The following RPL31 variants were observed in gnomAD, a reference collection of about 807,000 sequenced individuals.
RPL31 encodes the protein ribosomal protein L31.
For missense variants in RPL31, 95 were observed against 164.0 expected (o/e 0.58, Z 2.30); for synonymous variants, 51 against 55.0 (o/e 0.93, Z 0.32).
chr2:101,018,240 CCTT>C (rs1459678187), intron 4 of RPL31: 13 of 239,574 alleles, frequency 5.4e-5, no homozygotes, highest in Non-Finnish European at 1.0e-4. Context: ...TTTGTGACCT[CCTT>C]TTTTCCGAAG....
chr2:101,007,542 A>G (rs1480556218), downstream of RPL31: 3 of 412,274 alleles, frequency 7.3e-6, no homozygotes, highest in Middle Eastern at 6.6e-4. Context: ...CAAAATCAAC[A>G]CTAGCATCAC....
At chr2:101,011,510 G>A (rs776659626), downstream of RPL31, 12 of 1,613,804 alleles carry the variant, frequency 7.4e-6, no homozygotes, top group Admixed American at 1.7e-5. Context: ...CCTCAACGGC[G>A]ACTGGCTGTC....
At chr2:101,004,608 G>A (rs1177211178) in intron 3 of RPL31, 8 of 360,962 alleles carry the variant, frequency 2.2e-5, no homozygotes, top group Non-Finnish European at 3.5e-5. Context: ...AGTGGAGGAG[G>A]GAGGGGTGAG....
chr2:101,010,044 T>C (rs186551931), downstream of RPL31, among the ~76,000 whole-genome samples: 143 of 151,982 alleles, frequency 9.4e-4, 2 homozygotes, highest in East Asian at 0.025. Flanking sequence ...GCCAGGATGG[T>C]CTCAATCTTC....
At chr2:101,015,571 A>AT (rs1409491070) in intron 4 of RPL31, among the ~76,000 whole-genome samples, 1 of 152,174 alleles carries the variant, frequency 6.6e-6, no homozygotes, top group Non-Finnish European at 1.5e-5. Context: ...TTCTATAAAC[A>AT]TTTTTCTATC....
rs951250073 is a variant in RPL31 at position 101,002,471 on chromosome 2, T to C, written c.-1+156T>C. 15 of 577,782 alleles carry C rather than the reference T, an allele frequency of 2.6e-5. No homozygotes were observed. The Admixed American group carries it at 3.7e-4, about 14-fold the overall frequency. The allele number at this position is 577,782 out of a possible 1,614,324, so 35.8% of individuals were successfully genotyped here. A position where few individuals can be genotyped will look rare whatever the true frequency, so the allele number is the denominator to read the frequency against. ...CCTGCTTTTAAAGGCTCCCAGAGCCTGAGGAAGAAAGTGACCAGGCTTAGG... is the reference window on the plus strand; with the variant it reads ...CCTGCTTTTAAAGGCTCCCAGAGCCCGAGGAAGAAAGTGACCAGGCTTAGG... On this transcript the variant is annotated intron_variant, in intron 1 of 4. Transcript: ENST00000264258.
downstream of RPL31, chr2:101,011,370 A>C (rs1679196703): frequency 2.2e-6 from 3 of 1,353,594 alleles, no homozygotes; most frequent in Admixed American, 5.2e-5. Context: ...CTGCTACAAG[A>C]AGAGGGATGA....
downstream of RPL31, among the ~76,000 whole-genome samples, chr2:101,009,800 T>C (rs189264446): frequency 2.0e-5 from 3 of 151,220 alleles, no homozygotes; most frequent in Admixed American, 2.0e-4. Context: ...CCAAAATGAC[T>C]TAAGTCCTAT....
In RPL31 at chr2:101,007,235, A is replaced by T. The variant is rs1678786818; in HGVS notation, c.*854A>T. 1 of 152,406 alleles carries T rather than the reference A, an allele frequency of 6.6e-6. No homozygotes were observed. The highest frequency in any genetic ancestry group is 6.5e-5 in the Admixed American group (1 of 15,304). The allele number at this position is 152,406 out of a possible 1,614,324, so 9.4% of individuals were successfully genotyped here. A position where few individuals can be genotyped will look rare whatever the true frequency, so the allele number is the denominator to read the frequency against. ...TAAAAGAAAAGGACCAAGTAAATACAAAAAGTTTCTTATTAAAAAACTTGG... is the reference window on the plus strand; with the variant it reads ...TAAAAGAAAAGGACCAAGTAAATACTAAAAGTTTCTTATTAAAAAACTTGG... On this transcript the variant is annotated 3_prime_UTR_variant, in exon 5 of 5. Transcript: ENST00000264258.
chr2:101,008,750 T>G (rs902286724), downstream of RPL31, among the ~76,000 whole-genome samples: 5 of 151,686 alleles, frequency 3.3e-5, no homozygotes, highest in African/African-American at 1.2e-4. Flanking sequence ...AGGCAAAGGT[T>G]GTGGTAGTCA....
chr2:101,002,892 A>G lies in RPL31; in HGVS notation c.107+84A>G, dbSNP rs549265064. The G allele has an allele frequency of 9.7e-5, 95 of 980,542 alleles. 1 individual carries two copies. Among genetic ancestry groups the G allele is most frequent in the South Asian group, 9.0e-4 (68 of 75,212 alleles). The allele number at this position is 980,542 out of a possible 1,614,324, so 60.7% of individuals were successfully genotyped here. A position where few individuals can be genotyped will look rare whatever the true frequency, so the allele number is the denominator to read the frequency against. Reference sequence around the variant, plus strand: ...GATGTGCCGAATCACCTCCACCCCAATCTTTTCCTCTTGTGGCCTTCCCTG... The same window carrying G: ...GATGTGCCGAATCACCTCCACCCCAGTCTTTTCCTCTTGTGGCCTTCCCTG... On this transcript the variant is annotated intron_variant, in intron 2 of 4. Coordinates refer to ENST00000264258, the MANE Select transcript of RPL31 (RefSeq NM_000993.5).
chr2:101,004,122 G>GCC (rs1397162117), intron 2 of RPL31, 36 bp from the exon 3 acceptor site: 1 of 1,599,714 alleles, frequency 6.3e-7, no homozygotes, highest in Non-Finnish European at 8.5e-7. Context: ...TTAGTTTTGT[G>GCC]CTCCTTTAAT....
downstream of RPL31, among the ~76,000 whole-genome samples, chr2:101,010,232 A>G (rs1679102727): frequency 6.6e-6 from 1 of 152,210 alleles, no homozygotes; most frequent in Admixed American, 6.5e-5. Context: ...GAAGATGCTC[A>G]GAAGTTTTAG....
chr2:101,005,338 A>G (rs1678685376), intron 3 of RPL31: 1 of 152,734 alleles, frequency 6.5e-6, no homozygotes, highest in Non-Finnish European at 1.5e-5. Context: ...TTTGAGATGG[A>G]GTTAATGTTG....
chr2:101,014,259 C>T (rs1485425994), intron 4 of RPL31, among the ~76,000 whole-genome samples: 1 of 151,898 alleles, frequency 6.6e-6, no homozygotes, highest in Non-Finnish European at 1.5e-5. Flanking sequence ...TCTTCTGTGG[C>T]ATTTTAACTC....
intron 3 of RPL31, chr2:101,005,755 A>T (rs1678705833): frequency 1.7e-6 from 1 of 578,900 alleles, no homozygotes; most frequent in African/African-American, 1.9e-5. Flanking sequence ...CATGTCTTCA[A>T]ACAAGCATCC....
Position 101,002,796 on chromosome 2 carries a change from G to T in RPL31, c.95G>T (p.Arg32Leu), listed in dbSNP as rs1484058023. The T allele has an allele frequency of 6.2e-7, 1 of 1,612,958 alleles. No homozygotes were observed. Among genetic ancestry groups the T allele is most frequent in the African/African-American group, 1.3e-5 (1 of 74,984 alleles). The change falls in exon 2 of 5, where the codon CGC (arginine) becomes CTC (leucine). Residue 32 changes from arginine (R) to leucine (L), a missense_variant. Coordinates refer to ENST00000264258, the MANE Select transcript of RPL31 (RefSeq NM_000993.5). ...GAATACACCATCAACATTCACAAGCGCATCCATGGAGTGTGAGTATCCCTC... is the reference window on the plus strand; with the variant it reads ...GAATACACCATCAACATTCACAAGCTCATCCATGGAGTGTGAGTATCCCTC... The part of the protein sequence containing the change: ...TREYTINIHK[R>L]IHGVGFKKRA...
At chr2:101,011,372 G>A (rs1679196904), downstream of RPL31, 2 of 1,365,202 alleles carry the variant, frequency 1.5e-6, no homozygotes, top group African/African-American at 1.4e-5. Context: ...GCTACAAGAA[G>A]AGGGATGAGG....
chr2:101,006,406 G>C lies in RPL31; in HGVS notation c.*25G>C, dbSNP rs951297196. 101 of 1,605,338 alleles carry C rather than the reference G, an allele frequency of 6.3e-5. No homozygotes were observed. The highest frequency in any genetic ancestry group is 8.4e-5 in the Non-Finnish European group (99 of 1,177,392). On this transcript the variant is annotated 3_prime_UTR_variant, in exon 5 of 5. Transcript: ENST00000264258. Reference sequence around the variant, plus strand: ...ATCGCTGATCGTCAGATCAAATAAAGTTATAAAATTGCCTTCATGTTTTTG... The same window carrying C: ...ATCGCTGATCGTCAGATCAAATAAACTTATAAAATTGCCTTCATGTTTTTG...
Sources: allele counts gnomAD v4.1 joint callset (sites outside exome capture counted in the v4.1 genomes callset), GRCh38; gene constraint gnomAD v4.1.1; transcripts MANE v1.5; gene names NCBI Gene and HGNC (gene_info 2026-07-23, HGNC 2026-07-21).